RANBP3: variants seen among roughly 807,000 people sequenced by gnomAD.
RANBP3 encodes RAN binding protein 3, also known as ran-binding protein 3.
A neutral mutation model predicts 77.3 loss-of-function variants in RANBP3; 14 were observed. The ratio of observed to expected loss-of-function variants is 0.18; its 90% CI spans 0.12 to 0.28. RANBP3 has a LOEUF of 0.28. Among genes scored for constraint, RANBP3 ranks in the 10% least tolerant of loss-of-function variants. The probability of loss-of-function intolerance (pLI) is 1.00; values close to 1 mark genes in which losing one functional copy is unlikely to be tolerated. For synonymous variants in RANBP3, 315 were observed against 312.4 expected (o/e 1.01, Z -0.09); for missense variants, 586 against 752.3 (o/e 0.78, Z 2.59).
Position 5,959,706 on chromosome 19 carries a change from C to G in RANBP3, c.23-1733G>C, listed in dbSNP as rs2058376864. On this transcript the variant is annotated intron_variant, in intron 1 of 16. Coordinates refer to ENST00000340578, the MANE Select transcript of RANBP3 (RefSeq NM_007322.3). This position sits in a 1 kb window ranked among gnomAD's most constrained non-coding sequence, Gnocchi z 5.1. ...GATGTCAAAGGAATGCTGGGGGACTCTGGGACAGAGCAGCAGCGTATCCAC... is the reference window on the plus strand; with the variant it reads ...GATGTCAAAGGAATGCTGGGGGACTGTGGGACAGAGCAGCAGCGTATCCAC... Among the ~76,000 whole-genome samples the G allele has an allele frequency of 2.6e-5, 4 of 152,114 alleles. No individual in the cohort carries two copies.
intron 6 of RANBP3, 112 bp downstream of exon 6, chr19:5,933,302 C>A: frequency 2.3e-6 from 2 of 862,962 alleles, no homozygotes; most frequent in South Asian, 3.6e-5. Flanking sequence ...GGTCAAGTTA[C>A]AAGTGATCTT....
chr19:5,933,173 G>A (rs1386202590), intron 6 of RANBP3: 8 of 480,442 alleles, frequency 1.7e-5, no homozygotes, highest in Admixed American at 3.9e-5. Context: ...GATGCACCCC[G>A]CCTAGCCTGC....
chr19:5,924,971 T>G lies in RANBP3; in HGVS notation c.918-66A>C. On this transcript the variant is annotated intron_variant, in intron 10 of 16. Coordinates refer to ENST00000340578, the MANE Select transcript of RANBP3 (RefSeq NM_007322.3). This position sits in a 1 kb window ranked among gnomAD's most constrained non-coding sequence, Gnocchi z 4.7. ...GAACGTGGCCAGGCAAATGTATGGG[T>G]ACCCATGGAGCACACACTGACACAG... The G allele has an allele frequency of 7.1e-7, 1 of 1,412,828 alleles. No homozygotes were observed. The highest frequency in any genetic ancestry group is 1.0e-6 in the Non-Finnish European group (1 of 997,306). The allele number at this position is 1,412,828 out of a possible 1,614,324, so 87.5% of individuals were successfully genotyped here.
chr19:5,960,494 T>A (rs1018451948), intron 1 of RANBP3, among the ~76,000 whole-genome samples: 1 of 152,206 alleles, frequency 6.6e-6, no homozygotes, highest in Admixed American at 6.5e-5. Context: ...CATTAAGATA[T>A]AAACTCCATA....
At chr19:5,926,274 C>T (rs1020232828) in intron 9 of RANBP3, among the ~76,000 whole-genome samples, 2 of 152,070 alleles carry the variant, frequency 1.3e-5, no homozygotes, top group Non-Finnish European at 2.9e-5. Context: ...TGGCTGGGCG[C>T]GGTGGCTCGT....
chr19:5,947,700 G>A lies in RANBP3; in HGVS notation c.282+3693C>T, dbSNP rs77596339. Among the ~76,000 whole-genome samples the A allele has an allele frequency of 9.5e-4, 145 of 152,308 alleles. 2 individuals carry two copies. In the East Asian group the frequency reaches 0.026, roughly 27 times the overall value. ...CCGCGGCTTGGGCTGCAGGCTGGTC[G>A]GGAGCGAGCACTGTGAGTGCTGATC... On this transcript the variant is annotated intron_variant, in intron 3 of 16. Transcript: ENST00000340578.
intron 3 of RANBP3, among the ~76,000 whole-genome samples, chr19:5,947,301 G>C (rs1158904146): frequency 1.4e-5 from 2 of 143,748 alleles, no homozygotes; most frequent in Non-Finnish European, 3.0e-5. Context: ...GCAACAGAGG[G>C]AGACTCTGTC....
At chr19:5,926,199 GA>G (rs1385601208) in intron 9 of RANBP3, among the ~76,000 whole-genome samples, 1 of 152,160 alleles carries the variant, frequency 6.6e-6, no homozygotes, top group African/African-American at 2.4e-5. Context: ...CTGGGAGGGG[GA>G]TGTTAGGGAC....
chr19:5,919,175 C>T (rs1480143029), intron 14 of RANBP3, among the ~76,000 whole-genome samples: 1 of 152,234 alleles, frequency 6.6e-6, no homozygotes, highest in Admixed American at 6.5e-5. Context: ...CGCAGCTTAG[C>T]GCTTCCATGG....
chr19:5,966,310 G>C (rs1387526133), intron 1 of RANBP3, among the ~76,000 whole-genome samples: 1 of 152,170 alleles, frequency 6.6e-6, no homozygotes, highest in Non-Finnish European at 1.5e-5. Context: ...ACCTGCCTCA[G>C]CCAACACAGT....
At chr19:5,936,682 T>A (rs1220985038) in intron 5 of RANBP3, among the ~76,000 whole-genome samples, 1 of 152,144 alleles carries the variant, frequency 6.6e-6, no homozygotes, top group Admixed American at 6.5e-5. Context: ...AGGGCAGTGC[T>A]CAAATGAACA....
At chr19:5,977,670 C>G (rs1460926700) in intron 1 of RANBP3, among the ~76,000 whole-genome samples, 1 of 145,920 alleles carries the variant, frequency 6.9e-6, no homozygotes, top group East Asian at 2.0e-4. Context: ...GACGAGGGGG[C>G]GGGGAGGGAG....
At chr19:5,936,305 A>G (rs987705094) in intron 5 of RANBP3, among the ~76,000 whole-genome samples, 10 of 152,214 alleles carry the variant, frequency 6.6e-5, no homozygotes, top group African/African-American at 2.4e-4. Flanking sequence ...AGGGAGGAAT[A>G]TACCAAGGGA....
chr19:5,919,598 C>T (rs1406784600), intron 14 of RANBP3, among the ~76,000 whole-genome samples: 1 of 152,196 alleles, frequency 6.6e-6, no homozygotes, highest in African/African-American at 2.4e-5. Context: ...AAAGGAAAAA[C>T]ACAAGAAGAC....
intron 2 of RANBP3, among the ~76,000 whole-genome samples, chr19:5,955,968 G>C (rs2058330573): frequency 6.6e-6 from 1 of 152,046 alleles, no homozygotes; most frequent in Non-Finnish European, 1.5e-5. Flanking sequence ...AATTAGCCAG[G>C]TGTGGTGGTG....
At chr19:5,951,982 G>A (rs2058282374) in intron 2 of RANBP3, among the ~76,000 whole-genome samples, 1 of 152,166 alleles carries the variant, frequency 6.6e-6, no homozygotes, top group Non-Finnish European at 1.5e-5. Context: ...ACTGAAGTGG[G>A]GGAGCTGGCC....
intron 5 of RANBP3, among the ~76,000 whole-genome samples, chr19:5,938,625 G>C (rs2058095658): frequency 6.6e-6 from 1 of 152,230 alleles, no homozygotes; most frequent in African/African-American, 2.4e-5. Context: ...CCAGGAGGCA[G>C]AGGTTGCAGT....
intron 8 of RANBP3, among the ~76,000 whole-genome samples, chr19:5,928,759 T>C (rs562328078): frequency 2.4e-4 from 22 of 90,242 alleles, no homozygotes; most frequent in African/African-American, 1.0e-3. Flanking sequence ...ATTTTCAACA[T>C]GTAGGCATGA....
chr19:5,942,652 G>T lies in RANBP3; in HGVS notation c.283-817C>A, dbSNP rs374290673. Among the ~76,000 whole-genome samples the T allele has an allele frequency of 3.0e-5, 4 of 134,372 alleles. No homozygotes were observed. The South Asian group carries it at 9.4e-4, about 32-fold the overall frequency. 88.2% of individuals were successfully genotyped at this position (134,372 alleles called of 152,430 possible). A position where few individuals can be genotyped will look rare whatever the true frequency, so the allele number is the denominator to read the frequency against. ...GTAGGCGGAGCTTGCAGTGAGCCGAGATCACACCACTGCACTCCAGCCTGG... is the reference window on the plus strand; with the variant it reads ...GTAGGCGGAGCTTGCAGTGAGCCGATATCACACCACTGCACTCCAGCCTGG... On this transcript the variant is annotated intron_variant, in intron 3 of 16. Coordinates refer to ENST00000340578, the MANE Select transcript of RANBP3 (RefSeq NM_007322.3).
Sources: allele counts gnomAD v4.1 joint callset (sites outside exome capture counted in the v4.1 genomes callset), GRCh38; gene constraint gnomAD v4.1.1; non-coding constraint Gnocchi (gnomAD v3.1); transcripts MANE v1.5; gene names NCBI Gene and HGNC (gene_info 2026-07-23, HGNC 2026-07-21).